The following ZNF445 variants were observed in gnomAD, a reference collection of about 807,000 sequenced individuals.
The protein encoded by ZNF445 is zinc finger protein 445, also known as zinc finger protein 168.
A neutral mutation model predicts 93.9 loss-of-function variants in ZNF445; 19 were observed. That is an observed-to-expected ratio of 0.20 (90% CI 0.14 to 0.30). The LOEUF (loss-of-function observed/expected upper bound fraction) is 0.30. Among genes scored for constraint, ZNF445 ranks in the 10% least tolerant of loss-of-function variants. ZNF445 has a pLI of 1.00. For missense variants in ZNF445, 1,058 were observed against 1,259.4 expected (o/e 0.84, Z 2.42); for synonymous variants, 449 against 446.3 (o/e 1.01, Z -0.08).
chr3:44,472,898 TTTATAC>T (rs1250451836), intron 1 of ZNF445, among the ~76,000 whole-genome samples: 5 of 152,182 alleles, frequency 3.3e-5, no homozygotes. Flanking sequence ...CCCCCAGAGC[TTTATAC>T]CTTAACCCAG....
intron 7 of ZNF445, 51 bp from the exon 8 acceptor site, chr3:44,448,790 C>G (rs552630866): frequency 6.5e-7 from 1 of 1,549,462 alleles, no homozygotes; most frequent in South Asian, 1.2e-5. Flanking sequence ...ATACTTGGAA[C>G]TGCAGAAAGC....
rs1241492490 is a variant in ZNF445 at position 44,438,223 on chromosome 3, G to C, written c.*8352C>G. ...CGCCCAGGCTGGAGTGCAGTTGTGC[G>C]ATCTCGGCTCACTGCAACTTCCACC... On this transcript the variant is annotated 3_prime_UTR_variant, in exon 8 of 8. Coordinates refer to ENST00000396077, the MANE Select transcript of ZNF445 (RefSeq NM_181489.6). 2.6e-5 allele frequency: 4 copies of C among 151,384 alleles called. No individual in the cohort carries two copies. Among genetic ancestry groups the C allele is most frequent in the Non-Finnish European group, 5.9e-5 (4 of 67,968 alleles). The allele number at this position is 151,384 out of a possible 1,614,324, so 9.4% of individuals were successfully genotyped here.
intron 6 of ZNF445, 47 bp from the exon 7 acceptor site, chr3:44,449,670 G>C: frequency 6.7e-7 from 1 of 1,489,488 alleles, no homozygotes; most frequent in Non-Finnish European, 9.4e-7. Flanking sequence ...GGATGACACA[G>C]AACTACTCTT....
intron 1 of ZNF445, among the ~76,000 whole-genome samples, chr3:44,473,453 TCACACACA>T (rs377305681): frequency 3.3e-4 from 20 of 60,860 alleles, no homozygotes; most frequent in Admixed American, 4.1e-4. Context: ...AAACTCCACT[TCACACACA>T]CACACACACA....
chr3:44,471,895 T>C (rs538650275), intron 1 of ZNF445, among the ~76,000 whole-genome samples: 1 of 150,120 alleles, frequency 6.7e-6, no homozygotes, highest in African/African-American at 2.4e-5. Flanking sequence ...AGAAATAAAG[T>C]AAATAAATGA....
At chr3:44,460,436 T>C (rs1001883857) in intron 1 of ZNF445, among the ~76,000 whole-genome samples, 2 of 152,240 alleles carry the variant, frequency 1.3e-5, no homozygotes, top group Non-Finnish European at 2.9e-5. Context: ...AGGAGTCATG[T>C]AGCTGGAAGC....
intron 4 of ZNF445, among the ~76,000 whole-genome samples, 173 bp downstream of exon 4, chr3:44,451,141 T>A (rs1254710680): frequency 1.3e-5 from 2 of 151,438 alleles, no homozygotes; most frequent in African/African-American, 4.9e-5. Context: ...ATGGGGGGTG[T>A]AATGGGGGAG....
intron 3 of ZNF445, among the ~76,000 whole-genome samples, chr3:44,452,928 T>TC (rs952717580): frequency 6.6e-6 from 1 of 151,770 alleles, no homozygotes; most frequent in Non-Finnish European, 1.5e-5. Context: ...TTTTTTTTTT[T>TC]TTTTCGGACA....
chr3:44,460,131 A>G (rs1056950606), intron 1 of ZNF445, among the ~76,000 whole-genome samples: 3 of 152,248 alleles, frequency 2.0e-5, no homozygotes, highest in Admixed American at 6.5e-5. Flanking sequence ...ACTCTGTAAC[A>G]TAACATTGAA....
chr3:44,462,629 A>C (rs1370166029), intron 1 of ZNF445, among the ~76,000 whole-genome samples: 1 of 152,070 alleles, frequency 6.6e-6, no homozygotes, highest in Admixed American at 6.6e-5. Context: ...TCCTATCTTG[A>C]ATTTTCCTTT....
intron 1 of ZNF445, among the ~76,000 whole-genome samples, chr3:44,476,836 C>T (rs1698365004): frequency 6.6e-6 from 1 of 152,076 alleles, no homozygotes; most frequent in Non-Finnish European, 1.5e-5. Context: ...GTCACTTCAC[C>T]ATTTAGAGCT....
At chr3:44,452,691 A>T (rs1328317722) in intron 3 of ZNF445, among the ~76,000 whole-genome samples, 1 of 152,218 alleles carries the variant, frequency 6.6e-6, no homozygotes, top group Non-Finnish European at 1.5e-5. Flanking sequence ...TTTATAAATT[A>T]TTATCAGGTC....
At chr3:44,450,385 C>A (rs1030772492) in intron 6 of ZNF445, 62 bp downstream of exon 6, 7 of 1,609,448 alleles carry the variant, frequency 4.3e-6, no homozygotes, top group Non-Finnish European at 5.9e-6. Context: ...CTATGCAGCA[C>A]AGAACAACCC....
chr3:44,455,014 C>T, intron 3 of ZNF445, 107 bp downstream of exon 3: 1 of 1,390,008 alleles, frequency 7.2e-7, no homozygotes, highest in East Asian at 2.4e-5. Flanking sequence ...GAAGGCTTCC[C>T]CTGCACTCCT....
chr3:44,469,230 G>C (rs1575317694), intron 1 of ZNF445, among the ~76,000 whole-genome samples: 1 of 152,196 alleles, frequency 6.6e-6, no homozygotes, highest in Middle Eastern at 3.4e-3. Context: ...ACTGAGAAAA[G>C]ACACCACCCC....
At chr3:44,464,126 A>G (rs915728829) in intron 1 of ZNF445, among the ~76,000 whole-genome samples, 1 of 151,992 alleles carries the variant, frequency 6.6e-6, no homozygotes, top group Non-Finnish European at 1.5e-5. Flanking sequence ...ACTCCATCTC[A>G]AAAAACAAAC....
At chr3:44,464,681 G>A (rs903754385) in intron 1 of ZNF445, among the ~76,000 whole-genome samples, 3 of 152,156 alleles carry the variant, frequency 2.0e-5, no homozygotes, top group Non-Finnish European at 4.4e-5. Context: ...CTATTTTGGA[G>A]CATTAGATTA....
Position 44,455,329 on chromosome 3 carries a change from C to T in ZNF445, c.221G>A (p.Ser74Asn). Residue 74 changes from serine to asparagine, a missense_variant, in exon 3 of 8, where the codon AGC becomes AAC. By Grantham distance (46) the Ser-to-Asn change is conservative. Transcript: ENST00000396077. ...CCAGCGACAGAGTTCCCGGAGCCGG[C>T]TCAGAGTTTCTAGGGGCCCTGAAGA... Reference protein sequence around the residue: ...HESSGPLETLSRLRELCRWWL... With the variant: ...HESSGPLETLNRLRELCRWWL... 3 of 1,613,938 alleles carry T rather than the reference C, an allele frequency of 1.9e-6. No individual in the cohort carries two copies. In the South Asian group the frequency reaches 3.3e-5, roughly 18 times the overall value.
At chr3:44,457,696 C>A (rs1373354635) in intron 2 of ZNF445, among the ~76,000 whole-genome samples, 1 of 152,154 alleles carries the variant, frequency 6.6e-6, no homozygotes, top group Non-Finnish European at 1.5e-5. Flanking sequence ...CTCTTGTACA[C>A]TTGAATTCAG....
Sources: gnomAD v4.1 joint callset for allele counts (sites outside exome capture counted in the v4.1 genomes callset) on GRCh38, gnomAD v4.1.1 for gene constraint, MANE v1.5 for transcripts, NCBI Gene and HGNC (gene_info 2026-07-23, HGNC 2026-07-21) for gene names.